PLXNA4: variants seen among roughly 807,000 people sequenced by gnomAD.
PLXNA4 encodes the protein plexin-A4.
In PLXNA4, 44 loss-of-function variants were observed where a neutral mutation model predicts 191.8. That is an observed-to-expected ratio of 0.23 (90% CI 0.18 to 0.29). PLXNA4 has a LOEUF of 0.29. Ranked by LOEUF, PLXNA4 falls within the 10% of genes least tolerant of loss-of-function variation. PLXNA4 has a pLI of 1.00. For synonymous variants in PLXNA4, 1,082 were observed against 1,009.5 expected, an observed-to-expected ratio of 1.07 and a Z score of -1.36; for missense variants, 1,800 against 2,488.8, an observed-to-expected ratio of 0.72 and a Z score of 5.89.
intron 3 of PLXNA4, among the ~76,000 whole-genome samples, chr7:132,305,363 C>CGA (rs1179397261): frequency 1.6e-5 from 1 of 62,770 alleles, no homozygotes; most frequent in African/African-American, 7.8e-5. Flanking sequence ...TTACCAAGAA[C>CGA]ACACACACAC....
chr7:132,181,375 C>T lies in PLXNA4; in HGVS notation c.3492+6G>A, dbSNP rs1796698807. ...CCACCCCCGCCTCCCACCACCCTCA[C>T]TCCACCTTTAGGATGATGGGCGTGC... On this transcript the variant is annotated splice_donor_region_variant and intron_variant, in intron 18 of 31. Transcript: ENST00000321063. 6.2e-7 allele frequency: 1 copy of T among 1,613,792 alleles called. No homozygotes were observed. Among genetic ancestry groups the T allele is most frequent in the Non-Finnish European group, 8.5e-7 (1 of 1,179,802 alleles).
intron 1 of PLXNA4, among the ~76,000 whole-genome samples, chr7:132,570,718 G>A (rs893826002): frequency 2.0e-5 from 3 of 152,188 alleles, no homozygotes; most frequent in Non-Finnish European, 2.9e-5. Context: ...TGTGTTCAGC[G>A]CATTGACTGC....
intron 2 of PLXNA4, among the ~76,000 whole-genome samples, chr7:132,593,147 C>T (rs1276424879): frequency 6.6e-6 from 1 of 152,152 alleles, no homozygotes; most frequent in African/African-American, 2.4e-5. Flanking sequence ...AAGATAAAAT[C>T]GCTGGGCCTG....
At chr7:132,187,900 T>G (rs1274684698) in intron 14 of PLXNA4, among the ~76,000 whole-genome samples, 2 of 152,148 alleles carry the variant, frequency 1.3e-5, no homozygotes, top group Non-Finnish European at 2.9e-5. Flanking sequence ...TATATATCCC[T>G]ATATACACAT....
intron 29 of PLXNA4, among the ~76,000 whole-genome samples, chr7:132,143,909 G>T (rs966858149): frequency 1.3e-5 from 2 of 152,180 alleles, no homozygotes; most frequent in East Asian, 1.9e-4. Context: ...TCTCAACCTT[G>T]GTTCCTACCT....
Position 132,173,432 on chromosome 7 carries a change from G to A in PLXNA4, c.4017+1346C>T, listed in dbSNP as rs568851726. Among the ~76,000 whole-genome samples, 13 of 152,276 alleles carry A rather than the reference G, an allele frequency of 8.5e-5. No homozygotes were observed. In the East Asian group the frequency reaches 1.2e-3, roughly 14 times the overall value. Reference sequence around the variant, plus strand: ...AGACAGAGAGAAAAGGTGCCTTGTCGATGAGGACATAGAGACCGTCACCTC... The same window carrying A: ...AGACAGAGAGAAAAGGTGCCTTGTCAATGAGGACATAGAGACCGTCACCTC... On this transcript the variant is annotated intron_variant, in intron 21 of 31. Coordinates refer to ENST00000321063, the MANE Select transcript of PLXNA4 (RefSeq NM_020911.2).
intron 3 of PLXNA4, among the ~76,000 whole-genome samples, chr7:132,401,020 C>T (rs1793962064): frequency 6.6e-6 from 1 of 152,186 alleles, no homozygotes; most frequent in Admixed American, 6.5e-5. Context: ...ACCTGACATG[C>T]ACGATCTCAG....
intron 22 of PLXNA4, among the ~76,000 whole-genome samples, chr7:132,166,424 C>G (rs1254594002): frequency 3.3e-5 from 5 of 150,134 alleles, no homozygotes; most frequent in African/African-American, 1.2e-4. Context: ...TTTTCAGTTG[C>G]ATCCATTTAG....
chr7:132,347,533 AGGTATT>A (rs1290892766), intron 3 of PLXNA4, among the ~76,000 whole-genome samples: 2 of 152,168 alleles, frequency 1.3e-5, no homozygotes, highest in African/African-American at 4.8e-5. Flanking sequence ...CTCAATGAAG[AGGTATT>A]GGAGAATAGT....
intron 3 of PLXNA4, chr7:132,485,142 G>A: frequency 7.4e-7 from 1 of 1,343,694 alleles, no homozygotes. Flanking sequence ...GCCTCTTCAT[G>A]GGAATGTGCA....
Position 132,134,474 on chromosome 7 carries a change from G to A in PLXNA4, c.5439-1275C>T, listed in dbSNP as rs113904739. On this transcript the variant is annotated intron_variant, in intron 30 of 31. Coordinates refer to ENST00000321063, the MANE Select transcript of PLXNA4 (RefSeq NM_020911.2). ...GAGCATCCCTGGGCTAGTGAGGGCT[G>A]GGATGGCTTCCCTGCTTTGAGCCAC... Among the ~76,000 whole-genome samples the A allele has an allele frequency of 7.9e-5, 12 of 152,334 alleles. 1 individual carries two copies. Among genetic ancestry groups the A allele is most frequent in the African/African-American group, 2.6e-4 (11 of 41,580 alleles).
At chr7:132,645,048 GGT>G (rs1281801390) in intron 2 of PLXNA4, among the ~76,000 whole-genome samples, 2 of 152,184 alleles carry the variant, frequency 1.3e-5, no homozygotes, top group Admixed American at 1.3e-4. Context: ...TGCCTTCTCA[GGT>G]GTGTCAGCTT....
At chr7:132,385,107 G>T in intron 3 of PLXNA4, 1 of 1,574,954 alleles carries the variant, frequency 6.3e-7, no homozygotes. Context: ...CAGGGAGGTA[G>T]ATGTGTCTCA....
chr7:132,482,659 G>C (rs1180524832), intron 3 of PLXNA4, among the ~76,000 whole-genome samples: 1 of 151,682 alleles, frequency 6.6e-6, no homozygotes, highest in East Asian at 1.9e-4. Flanking sequence ...TGGGCCAGGA[G>C]AGAAGGTATG....
chr7:132,168,575 G>A lies in PLXNA4; in HGVS notation c.4018-3C>T, dbSNP rs779212773. 1.3e-6 allele frequency: 2 copies of A among 1,572,466 alleles called. No homozygotes were observed. Among genetic ancestry groups the A allele is most frequent in the East Asian group, 4.5e-5 (2 of 44,388 alleles). ...CGCTCCTGCCGGTAGCCCGGGACCTGCAGAGAGACCTAGGAGTCGTGATGC... is the reference window on the plus strand; with the variant it reads ...CGCTCCTGCCGGTAGCCCGGGACCTACAGAGAGACCTAGGAGTCGTGATGC... On this transcript the variant is annotated splice_polypyrimidine_tract_variant and splice_region_variant and intron_variant, in intron 21 of 31. Transcript: ENST00000321063.
At chr7:132,141,578 G>A (rs1392707052) in intron 29 of PLXNA4, among the ~76,000 whole-genome samples, 7 of 152,164 alleles carry the variant, frequency 4.6e-5, no homozygotes, top group Non-Finnish European at 7.3e-5. Flanking sequence ...ATGCCGGGAG[G>A]ACTGTTGGTG....
chr7:132,243,960 A>G (rs1798964745), intron 4 of PLXNA4, among the ~76,000 whole-genome samples: 1 of 151,988 alleles, frequency 6.6e-6, no homozygotes, highest in Non-Finnish European at 1.5e-5. Flanking sequence ...ATTTGCCCCT[A>G]AGCCATTCAT....
chr7:132,368,869 G>C (rs1037280961), intron 3 of PLXNA4, among the ~76,000 whole-genome samples: 11 of 152,194 alleles, frequency 7.2e-5, no homozygotes, highest in Non-Finnish European at 1.5e-4. Context: ...ATGACCTTGG[G>C]AACCCACATT....
chr7:132,340,503 C>T (rs1284669239), intron 3 of PLXNA4, among the ~76,000 whole-genome samples: 1 of 152,168 alleles, frequency 6.6e-6, no homozygotes, highest in South Asian at 2.1e-4. Context: ...CTGTCCCTGT[C>T]CCCACTGAAG....
Sources: gnomAD v4.1 joint callset for allele counts (sites outside exome capture counted in the v4.1 genomes callset) on GRCh38, gnomAD v4.1.1 for gene constraint, MANE v1.5 for transcripts, NCBI Gene and HGNC (gene_info 2026-07-23, HGNC 2026-07-21) for gene names.